The following ABCB1 variants were observed in gnomAD, a reference collection of about 807,000 sequenced individuals.
ABCB1 encodes the protein ATP binding cassette subfamily B member 1.
ABCB1 carries 69 observed loss-of-function variants against 142.0 expected under a neutral mutation model. The ratio of observed to expected loss-of-function variants is 0.49; its 90% CI spans 0.40 to 0.59. ABCB1 has a LOEUF of 0.59. ABCB1 is among the 20% of genes least tolerant of loss of function. ABCB1 has a pLI of 0.00. For synonymous variants in ABCB1, 532 were observed against 539.2 expected, an observed-to-expected ratio of 0.99 and a Z score of 0.18; for missense variants, 1,326 against 1,554.7, an observed-to-expected ratio of 0.85 and a Z score of 2.47.
chr7:87,690,004 A>T (rs1263730267), intron 1 of ABCB1, among the ~76,000 whole-genome samples: 2 of 151,838 alleles, frequency 1.3e-5, no homozygotes, highest in African/African-American at 4.8e-5. Flanking sequence ...AAATTTTTAA[A>T]TTTTTTATAG....
intron 2 of ABCB1, among the ~76,000 whole-genome samples, chr7:87,596,520 T>A (rs547228359): frequency 6.6e-6 from 1 of 152,212 alleles, no homozygotes; most frequent in Non-Finnish European, 1.5e-5. Flanking sequence ...CAAATGAATC[T>A]AACTCTGTAG....
chr7:87,624,076 A>T (rs961034738), intron 1 of ABCB1, among the ~76,000 whole-genome samples: 2 of 152,206 alleles, frequency 1.3e-5, no homozygotes, highest in African/African-American at 4.8e-5. Context: ...TTTGAGTTTT[A>T]AAAATGTTTT....
intron 26 of ABCB1, among the ~76,000 whole-genome samples, chr7:87,507,700 C>T (rs1814811771): frequency 6.6e-6 from 1 of 152,042 alleles, no homozygotes; most frequent in Admixed American, 6.6e-5. Flanking sequence ...AACTGTCTTC[C>T]CCGCCGGGTT....
In ABCB1 at chr7:87,516,571, T is replaced by C. The variant is rs1815259477; in HGVS notation, c.3022A>G (p.Ile1008Val). 1 of 1,614,198 alleles carries C rather than the reference T, an allele frequency of 6.2e-7. No individual in the cohort carries two copies. The highest frequency in any genetic ancestry group is 8.5e-7 in the Non-Finnish European group (1 of 1,180,032). Residue 1008 changes from isoleucine (I) to valine (V), a missense_variant, in exon 24 of 28, where the codon ATC (isoleucine) becomes GTC (valine). Transcript: ENST00000622132. ...GGGGTTTTTTCAATGATCATGATGA[T>C]GTGGGCTGCTGATATTTTGGCTTTG... ...YAKAKISAAH[I>V]IMIIEKTPLI...
At chr7:87,664,017 T>G (rs1245641754) in intron 1 of ABCB1, among the ~76,000 whole-genome samples, 1 of 152,178 alleles carries the variant, frequency 6.6e-6, no homozygotes, top group Non-Finnish European at 1.5e-5. Context: ...GGATAGGACT[T>G]AAACATGTGA....
intron 1 of ABCB1, among the ~76,000 whole-genome samples, chr7:87,703,947 G>GTCT (rs1310612468): frequency 5.7e-5 from 2 of 35,284 alleles, no homozygotes; most frequent in African/African-American, 2.2e-4. Context: ...TTTTGAGACA[G>GTCT]TCTAGTTCTG....
chr7:87,685,346 T>A (rs1827353641), intron 1 of ABCB1, among the ~76,000 whole-genome samples: 1 of 152,182 alleles, frequency 6.6e-6, no homozygotes, highest in Non-Finnish European at 1.5e-5. Flanking sequence ...ATGTTCAACA[T>A]CATTAGTAAT....
upstream of ABCB1, among the ~76,000 whole-genome samples, chr7:87,604,151 C>T (rs989225597): frequency 8.6e-5 from 13 of 152,038 alleles, no homozygotes; most frequent in Admixed American, 3.3e-4. Flanking sequence ...TTTTCCTTCT[C>T]CTATGGTTTT....
At chr7:87,638,570 T>C (rs535296272) in intron 1 of ABCB1, among the ~76,000 whole-genome samples, 1 of 152,258 alleles carries the variant, frequency 6.6e-6, no homozygotes, top group African/African-American at 2.4e-5. Flanking sequence ...TGAGTTTCAG[T>C]AGGTTTTTCA....
At chr7:87,666,807 G>A (rs534173604) in intron 1 of ABCB1, among the ~76,000 whole-genome samples, 1 of 152,160 alleles carries the variant, frequency 6.6e-6, no homozygotes, top group South Asian at 2.1e-4. Context: ...TAGGTGTGTA[G>A]CCTTATTTCT....
chr7:87,555,923 T>C (rs1479205872), intron 8 of ABCB1, among the ~76,000 whole-genome samples: 3 of 152,204 alleles, frequency 2.0e-5, no homozygotes, highest in African/African-American at 7.2e-5. Flanking sequence ...GATGTTGTCC[T>C]ATGCAGCCAG....
chr7:87,550,130 T>C (rs542505619), intron 12 of ABCB1, 41 bp downstream of exon 12: 2 of 1,614,172 alleles, frequency 1.2e-6, no homozygotes, highest in African/African-American at 2.7e-5. Context: ...GCAATGTGAC[T>C]GCTGATCACC....
intron 1 of ABCB1, among the ~76,000 whole-genome samples, chr7:87,650,440 G>A (rs946957783): frequency 1.3e-5 from 2 of 152,050 alleles, no homozygotes; most frequent in African/African-American, 2.4e-5. Context: ...TCTTTACATG[G>A]CAGAAGAGGC....
chr7:87,554,266 C>T (rs900364904), intron 8 of ABCB1, among the ~76,000 whole-genome samples: 3 of 151,718 alleles, frequency 2.0e-5, no homozygotes, highest in Admixed American at 2.0e-4. Context: ...ATGGAAAAAA[C>T]CTGTGTCTTT....
chr7:87,608,142 A>G (rs1207099402), intron 1 of ABCB1, among the ~76,000 whole-genome samples: 1 of 152,238 alleles, frequency 6.6e-6, no homozygotes, highest in African/African-American at 2.4e-5. Context: ...TTTTAGAAAC[A>G]AGATAACCCA....
chr7:87,531,532 A>C (rs1389024409), intron 20 of ABCB1, 35 bp from the exon 21 acceptor site: 6 of 1,590,652 alleles, frequency 3.8e-6, no homozygotes, highest in Non-Finnish European at 5.2e-6. Flanking sequence ...AATTTTAAAA[A>C]TATTATCTTC....
chr7:87,670,243 T>G (rs543903029), intron 1 of ABCB1, among the ~76,000 whole-genome samples: 1 of 152,356 alleles, frequency 6.6e-6, no homozygotes, highest in East Asian at 1.9e-4. Context: ...GAGATTCTTT[T>G]GTTAGCTTGG....
At chr7:87,505,855 A>G (rs754134055) in intron 27 of ABCB1, 42 bp downstream of exon 27, 4 of 1,610,998 alleles carry the variant, frequency 2.5e-6, no homozygotes, top group African/African-American at 2.7e-5. Context: ...ATTTTTAAGG[A>G]TGACTGATTC....
intron 21 of ABCB1, among the ~76,000 whole-genome samples, chr7:87,524,260 A>T (rs1815676317): frequency 6.6e-6 from 1 of 152,178 alleles, no homozygotes; most frequent in African/African-American, 2.4e-5. Flanking sequence ...AGATTGAATT[A>T]TGTTTACCAC....
Sources: allele counts gnomAD v4.1 joint callset (sites outside exome capture counted in the v4.1 genomes callset), GRCh38; gene constraint gnomAD v4.1.1; transcripts MANE v1.5; gene names NCBI Gene and HGNC (gene_info 2026-07-23, HGNC 2026-07-21).